Variants in NAALADL2 observed in about 807,000 individuals in gnomAD.
The protein encoded by NAALADL2 is N-acetylated alpha-linked acidic dipeptidase like 2.
Under a neutral mutation model 87.2 loss-of-function variants are expected in NAALADL2, and 76 were observed. That is an observed-to-expected ratio of 0.87 (90% CI 0.72 to 1.05). NAALADL2 has a LOEUF of 1.05. Ranked by LOEUF, NAALADL2 falls within the 50% of genes least tolerant of loss-of-function variation. NAALADL2 has a pLI of 0.00. For synonymous variants in NAALADL2, 354 were observed against 331.0 expected, an observed-to-expected ratio of 1.07 and a Z score of -0.75; for missense variants, 1,089 against 945.8, an observed-to-expected ratio of 1.15 and a Z score of -1.99.
chr3:175,316,739 A>T (rs983671410), intron 4 of NAALADL2, among the ~76,000 whole-genome samples: 1 of 152,160 alleles, frequency 6.6e-6, no homozygotes, highest in Non-Finnish European at 1.5e-5. Context: ...CCAGAGTAGC[A>T]TATTTTTTCT....
chr3:174,452,977 A>G (rs1715586205), intron 1 of NAALADL2, among the ~76,000 whole-genome samples: 1 of 152,190 alleles, frequency 6.6e-6, no homozygotes, highest in Admixed American at 6.5e-5. Context: ...ATAGATAGGA[A>G]TGAAGATTAT....
intron 9 of NAALADL2, among the ~76,000 whole-genome samples, chr3:175,495,262 A>C (rs775929097): frequency 1.3e-5 from 2 of 151,772 alleles, no homozygotes; most frequent in Non-Finnish European, 2.9e-5. Context: ...TTGGTTGAAA[A>C]TTATGTTCTG....
intron 2 of NAALADL2, among the ~76,000 whole-genome samples, chr3:175,131,815 G>T (rs865794808): frequency 7.5e-6 from 1 of 133,812 alleles, no homozygotes; most frequent in Admixed American, 7.3e-5. Flanking sequence ...CTGGCCGGGC[G>T]GGGGGCTGAC....
At chr3:175,399,854 T>C (rs1055285616) in intron 5 of NAALADL2, among the ~76,000 whole-genome samples, 1 of 152,144 alleles carries the variant, frequency 6.6e-6, no homozygotes, top group Non-Finnish European at 1.5e-5. Flanking sequence ...CTCTGACGTT[T>C]ATGTCTTGCC....
intron 11 of NAALADL2, among the ~76,000 whole-genome samples, chr3:175,706,776 A>G (rs556980894): frequency 6.6e-6 from 1 of 152,228 alleles, no homozygotes; most frequent in South Asian, 2.1e-4. Context: ...ACTGCTCACC[A>G]TCAAGAGAGG....
rs149495848 is a variant in NAALADL2 at position 175,061,728 on chromosome 3, A to AATATATATATATAT, written c.44-35050_44-35037dup. Among the ~76,000 whole-genome samples the AATATATATATATAT allele has an allele frequency of 3.1e-3, 439 of 141,530 alleles. 2 individuals carry two copies. Among genetic ancestry groups the AATATATATATATAT allele is most frequent in the East Asian group, 0.01 (49 of 4,850 alleles). 92.8% of individuals were successfully genotyped at this position (141,530 alleles called of 152,430 possible). ...TTAGTTTCACCTGCTCACTTGCACAAATATATATATATATATATATATATA... is the reference window on the plus strand; with the variant it reads ...TTAGTTTCACCTGCTCACTTGCACAAATATATATATATATATATATATATATATATATATATATA... On this transcript the variant is annotated intron_variant, in intron 1 of 13. Coordinates refer to ENST00000454872, the MANE Select transcript of NAALADL2 (RefSeq NM_207015.3).
intron 1 of NAALADL2, among the ~76,000 whole-genome samples, chr3:174,931,571 G>A (rs1324540199): frequency 6.6e-6 from 1 of 152,114 alleles, no homozygotes; most frequent in Non-Finnish European, 1.5e-5. Flanking sequence ...ATGAAGAATG[G>A]TTTATTCTCA....
intron 13 of NAALADL2, among the ~76,000 whole-genome samples, chr3:175,759,195 A>G (rs1208305560): frequency 6.6e-6 from 1 of 152,108 alleles, no homozygotes; most frequent in African/African-American, 2.4e-5. Context: ...CCTACCTTCA[A>G]GGAGCTTCAT....
At chr3:174,729,088 A>C (rs906063047) in intron 2 of NAALADL2, among the ~76,000 whole-genome samples, 7 of 151,944 alleles carry the variant, frequency 4.6e-5, no homozygotes, top group African/African-American at 1.4e-4. Flanking sequence ...AAATCAACTA[A>C]CTTATTTTTA....
chr3:174,973,241 C>A lies in NAALADL2; in HGVS notation c.43+113791C>A, dbSNP rs116610959. Among the ~76,000 whole-genome samples, 1,188 of 152,166 alleles carry A rather than the reference C, an allele frequency of 7.8e-3. 18 individuals are homozygous for A. Among genetic ancestry groups the A allele is most frequent in the African/African-American group, 0.027 (1,129 of 41,536 alleles). On this transcript the variant is annotated intron_variant, in intron 1 of 13. Coordinates refer to ENST00000454872, the MANE Select transcript of NAALADL2 (RefSeq NM_207015.3). ...TGATAACACAAAACCAAAACATTTT[C>A]AATTTTAAAACACTCACTGGTTCAT... is the stretch of plus-strand genomic sequence containing the variant.
chr3:175,038,723 A>G (rs1228865720), intron 1 of NAALADL2, among the ~76,000 whole-genome samples: 1 of 152,168 alleles, frequency 6.6e-6, no homozygotes, highest in Non-Finnish European at 1.5e-5. Flanking sequence ...CTTCTGATTC[A>G]GAATATCTGG....
chr3:175,086,114 A>G (rs966645863), intron 1 of NAALADL2, among the ~76,000 whole-genome samples: 3 of 152,236 alleles, frequency 2.0e-5, no homozygotes, highest in African/African-American at 7.2e-5. Flanking sequence ...AAGCTTTACT[A>G]TCAGTTTGAA....
rs1224491752 is a variant in NAALADL2, at chr3:175,049,013, G to C, written c.44-47777G>C. On this transcript the variant is annotated intron_variant, in intron 1 of 13. Coordinates refer to ENST00000454872, the MANE Select transcript of NAALADL2 (RefSeq NM_207015.3). ...AGGGATGTAATCAGTTGCAAATACA[G>C]TAGTCTCCCTTTATCCATGGGGATA... Among the ~76,000 whole-genome samples the C allele has an allele frequency of 2.0e-5, 3 of 152,104 alleles. No homozygotes were observed. In the South Asian group the frequency reaches 6.2e-4, roughly 31 times the overall value.
chr3:175,199,148 G>A (rs1739434679), intron 2 of NAALADL2, among the ~76,000 whole-genome samples: 1 of 152,134 alleles, frequency 6.6e-6, no homozygotes, highest in Non-Finnish European at 1.5e-5. Flanking sequence ...AGTGGAGGTG[G>A]CTGCTGCCAA....
chr3:175,028,273 TAAAAC>T (rs911075553), intron 1 of NAALADL2, among the ~76,000 whole-genome samples: 21 of 152,204 alleles, frequency 1.4e-4, no homozygotes, highest in Middle Eastern at 3.4e-3. Context: ...CAGAAACACT[TAAAAC>T]AAAAATAATA....
At chr3:175,716,683 C>A (rs1322943156) in intron 11 of NAALADL2, among the ~76,000 whole-genome samples, 2 of 151,988 alleles carry the variant, frequency 1.3e-5, no homozygotes, top group Non-Finnish European at 2.9e-5. Context: ...GAGTGAAGAC[C>A]AGATTGTTAT....
intron 3 of NAALADL2, among the ~76,000 whole-genome samples, chr3:174,795,111 C>T (rs932551992): frequency 6.6e-6 from 1 of 150,732 alleles, no homozygotes. Flanking sequence ...CCTGCCTCAG[C>T]CTCCCGAGTA....
intron 1 of NAALADL2, among the ~76,000 whole-genome samples, chr3:175,012,007 A>G (rs1221974509): frequency 1.3e-5 from 2 of 152,190 alleles, no homozygotes; most frequent in Non-Finnish European, 2.9e-5. Context: ...TAGGAAAAGC[A>G]CAAGAGAAAG....
At chr3:175,081,097 A>T (rs1003679221) in intron 1 of NAALADL2, 7 of 152,344 alleles carry the variant, frequency 4.6e-5, no homozygotes, top group Non-Finnish European at 1.0e-4. Context: ...CTGTCAGAGC[A>T]AGACCAATAA....
Sources: allele counts gnomAD v4.1 joint callset (sites outside exome capture counted in the v4.1 genomes callset), GRCh38; gene constraint gnomAD v4.1.1; transcripts MANE v1.5; gene names NCBI Gene and HGNC (gene_info 2026-07-23, HGNC 2026-07-21).